Variants in APP observed in about 807,000 individuals in gnomAD.
APP encodes the protein amyloid-beta precursor protein.
Under a neutral mutation model 101.4 loss-of-function variants are expected in APP, and 31 were observed. The observed-to-expected ratio is 0.31, with a 90% CI of 0.23 to 0.41. APP has a LOEUF of 0.41. APP is among the 10% of genes least tolerant of loss of function. The pLI is 1.00. For synonymous variants in APP, 366 were observed against 364.4 expected (o/e 1.00, Z -0.05); for missense variants, 839 against 1,003.7 (o/e 0.84, Z 2.22).
intron 11 of APP, among the ~76,000 whole-genome samples, chr21:25,970,149 T>C (rs1269985562): frequency 6.6e-6 from 1 of 152,102 alleles, no homozygotes. Flanking sequence ...AATTTTTTTT[T>C]CAAATGAACA....
At chr21:26,096,149 T>A (rs2061937483) in intron 2 of APP, among the ~76,000 whole-genome samples, 2 of 152,060 alleles carry the variant, frequency 1.3e-5, no homozygotes, top group Admixed American at 6.6e-5. Flanking sequence ...CCCATTAGGG[T>A]CCCCCCACAT....
intron 11 of APP, among the ~76,000 whole-genome samples, chr21:25,957,724 AAGT>A (rs1256589209): frequency 6.6e-6 from 1 of 152,162 alleles, no homozygotes; most frequent in Non-Finnish European, 1.5e-5. Context: ...TCAATTAAAA[AAGT>A]AAGGATTGCT....
intron 13 of APP, among the ~76,000 whole-genome samples, chr21:25,948,228 C>T (rs2040915363): frequency 6.6e-6 from 1 of 150,626 alleles, no homozygotes. Flanking sequence ...TTCTCAATAA[C>T]ATTAAATTTC....
chr21:25,928,140 C>T (rs981891454), intron 13 of APP, among the ~76,000 whole-genome samples: 1 of 152,044 alleles, frequency 6.6e-6, no homozygotes, highest in South Asian at 2.1e-4. Flanking sequence ...GTCAGGAGAT[C>T]GACACCATCC....
At chr21:26,100,216 C>T (rs2062026630) in intron 2 of APP, among the ~76,000 whole-genome samples, 1 of 54,446 alleles carries the variant, frequency 1.8e-5, no homozygotes, top group African/African-American at 7.8e-5. Flanking sequence ...CTGGCTTCAA[C>T]TTTTTAACCC....
intron 14 of APP, among the ~76,000 whole-genome samples, chr21:25,910,157 C>T (rs977574357): frequency 3.3e-5 from 5 of 151,724 alleles, no homozygotes; most frequent in Non-Finnish European, 5.9e-5. Context: ...TTTAAAGTCT[C>T]GCTCTGTCAC....
intron 7 of APP, among the ~76,000 whole-genome samples, chr21:25,998,447 G>T (rs2043142377): frequency 6.6e-6 from 1 of 151,624 alleles, no homozygotes; most frequent in Non-Finnish European, 1.5e-5. Flanking sequence ...TTCACACATG[G>T]GACTGAAGCA....
intron 3 of APP, among the ~76,000 whole-genome samples, chr21:26,083,506 G>C (rs948573014): frequency 6.6e-6 from 1 of 152,144 alleles, no homozygotes; most frequent in African/African-American, 2.4e-5. Flanking sequence ...AAGCCAAATG[G>C]TTTTGATTAT....
chr21:26,091,809 C>G (rs916639897), intron 2 of APP, among the ~76,000 whole-genome samples: 1 of 152,076 alleles, frequency 6.6e-6, no homozygotes, highest in Non-Finnish European at 1.5e-5. Context: ...GACATTCCCA[C>G]CTCTAGGGGC....
At chr21:26,168,747 C>A (rs1412773688) in intron 1 of APP, among the ~76,000 whole-genome samples, 1 of 152,162 alleles carries the variant, frequency 6.6e-6, no homozygotes, top group African/African-American at 2.4e-5. Context: ...AATCAGAATT[C>A]TCTTAGTTAA....
chr21:25,931,097 A>G (rs1244644054), intron 13 of APP, among the ~76,000 whole-genome samples: 1 of 152,216 alleles, frequency 6.6e-6, no homozygotes, highest in Admixed American at 6.5e-5. Flanking sequence ...AAATAACTTC[A>G]TCAATTTCTT....
At chr21:26,146,490 G>A (rs554204911) in intron 1 of APP, among the ~76,000 whole-genome samples, 1 of 152,164 alleles carries the variant, frequency 6.6e-6, no homozygotes, top group Non-Finnish European at 1.5e-5. Flanking sequence ...TTTTTCCTGT[G>A]TACTATAAAA....
intron 8 of APP, among the ~76,000 whole-genome samples, chr21:25,995,196 G>A (rs1601147851): frequency 6.6e-6 from 1 of 152,258 alleles, no homozygotes; most frequent in South Asian, 2.1e-4. Context: ...ATTAAAAATG[G>A]AAAAATAGAA....
chr21:26,011,890 C>G (rs1416554363), intron 6 of APP, among the ~76,000 whole-genome samples: 2 of 152,128 alleles, frequency 1.3e-5, no homozygotes, highest in Non-Finnish European at 1.5e-5. Flanking sequence ...AAATTATACC[C>G]AATAAGAACA....
chr21:26,083,951 G>C (rs1190537004), intron 3 of APP, among the ~76,000 whole-genome samples: 4 of 152,074 alleles, frequency 2.6e-5, no homozygotes, highest in Admixed American at 1.3e-4. Flanking sequence ...CAAAACATTA[G>C]TTGTTAAAAG....
chr21:25,886,747 T>C (rs779565385), intron 17 of APP, among the ~76,000 whole-genome samples: 4 of 151,636 alleles, frequency 2.6e-5, no homozygotes, highest in Non-Finnish European at 4.4e-5. Flanking sequence ...TTCCTGCTGC[T>C]CACTGTAAGC....
At chr21:25,897,403 T>C (rs2038142358) in intron 16 of APP, among the ~76,000 whole-genome samples, 170 bp downstream of exon 16, 1 of 152,230 alleles carries the variant, frequency 6.6e-6, no homozygotes. Context: ...CTTGAGCCAC[T>C]GCGCTCAGCC....
intron 15 of APP, among the ~76,000 whole-genome samples, chr21:25,901,296 T>C (rs10222113): frequency 0.69 from 57,351 of 82,650 alleles, 19,176 homozygotes; most frequent in Middle Eastern, 0.85. Context: ...AATCCTGTTT[T>C]AAAAAAAAAA....
chr21:25,890,722 CAAAAAA>C (rs10686276), intron 17 of APP, among the ~76,000 whole-genome samples: 1 of 114,730 alleles, frequency 8.7e-6, no homozygotes, highest in African/African-American at 3.4e-5. Flanking sequence ...GAGACTGTCT[CAAAAAA>C]AAAAAAAAAA....
Sources: gnomAD v4.1 joint callset for allele counts (sites outside exome capture counted in the v4.1 genomes callset) on GRCh38, gnomAD v4.1.1 for gene constraint, MANE v1.5 for transcripts, NCBI Gene and HGNC (gene_info 2026-07-23, HGNC 2026-07-21) for gene names.